TMEM132B: variants seen among roughly 807,000 people sequenced by gnomAD.
The protein encoded by TMEM132B is transmembrane protein 132B.
Under a neutral mutation model 90.8 loss-of-function variants are expected in TMEM132B, and 18 were observed. That is an observed-to-expected ratio of 0.20 (90% CI 0.14 to 0.29). The LOEUF (loss-of-function observed/expected upper bound fraction) is 0.29. Ranked by LOEUF, TMEM132B falls within the 10% of genes least tolerant of loss-of-function variation. TMEM132B has a pLI of 1.00. For synonymous variants in TMEM132B, 504 were observed against 523.3 expected, an observed-to-expected ratio of 0.96 and a Z score of 0.50; for missense variants, 1,096 against 1,326.8, an observed-to-expected ratio of 0.83 and a Z score of 2.70.
At position 125,661,050 on chromosome 12, in the gene TMEM132B, C is replaced by G. The variant is rs1225696015; in HGVS notation, c.*6340C>G. ...TTTTGACCTGACACATCTTTCTGTA[C>G]TTCCTGTGGCCAAAAAAGCAAGTGA... is the stretch of plus-strand genomic sequence containing the variant. On this transcript the variant is annotated 3_prime_UTR_variant, in exon 9 of 9. Transcript: ENST00000682704. The G allele has an allele frequency of 1.3e-5, 2 of 152,206 alleles. No homozygotes were observed. The highest frequency in any genetic ancestry group is 4.8e-5 in the African/African-American group (2 of 41,458). 9.4% of individuals were successfully genotyped at this position (152,206 alleles called of 1,614,324 possible). A position where few individuals can be genotyped will look rare whatever the true frequency, so the allele number is the denominator to read the frequency against.
chr12:125,278,544 A>G (rs1875069493), intron 1 of TMEM132B, among the ~76,000 whole-genome samples: 1 of 148,532 alleles, frequency 6.7e-6, no homozygotes, highest in South Asian at 2.1e-4. Flanking sequence ...ATTAATGGGT[A>G]TGCAGGCAGT....
chr12:125,370,506 G>T (rs904054333), intron 2 of TMEM132B, among the ~76,000 whole-genome samples: 5 of 152,188 alleles, frequency 3.3e-5, no homozygotes, highest in Non-Finnish European at 5.9e-5. Flanking sequence ...ATCCTGTAGT[G>T]AGGTAGGGAA....
chr12:125,331,506 T>A (rs1164982082), intron 1 of TMEM132B, among the ~76,000 whole-genome samples: 1 of 152,150 alleles, frequency 6.6e-6, no homozygotes, highest in East Asian at 1.9e-4. Flanking sequence ...ATGAGCCCTT[T>A]ACTCCGGGTG....
intron 1 of TMEM132B, among the ~76,000 whole-genome samples, chr12:125,280,990 A>G (rs189807055): frequency 2.2e-4 from 33 of 152,316 alleles, no homozygotes; most frequent in Non-Finnish European, 3.7e-4. Context: ...CAACAATTCA[A>G]TTAGAAAGCG....
intron 1 of TMEM132B, among the ~76,000 whole-genome samples, chr12:125,314,301 A>G (rs1175209813): frequency 1.3e-5 from 2 of 152,200 alleles, no homozygotes; most frequent in African/African-American, 4.8e-5. Context: ...TTTGACAAAG[A>G]TCAGCAGCGA....
At chr12:125,623,779 C>G (rs898977897) in intron 5 of TMEM132B, among the ~76,000 whole-genome samples, 7 of 152,200 alleles carry the variant, frequency 4.6e-5, no homozygotes, top group African/African-American at 1.7e-4. Flanking sequence ...CTTTGTGTCC[C>G]CAGAGTCCTG....
At chr12:125,481,511 G>A (rs1308351995) in intron 3 of TMEM132B, among the ~76,000 whole-genome samples, 3 of 152,128 alleles carry the variant, frequency 2.0e-5, no homozygotes, top group Non-Finnish European at 4.4e-5. Context: ...AATTGCTACA[G>A]AGAGAATAAA....
chr12:125,636,155 G>A (rs1886473734), intron 5 of TMEM132B, among the ~76,000 whole-genome samples: 1 of 152,062 alleles, frequency 6.6e-6, no homozygotes, highest in Admixed American at 6.5e-5. Context: ...GTGCTTTTTT[G>A]GTGTGTAGAT....
At chr12:125,468,780 T>A (rs1241373054) in intron 3 of TMEM132B, among the ~76,000 whole-genome samples, 2 of 152,230 alleles carry the variant, frequency 1.3e-5, no homozygotes, top group Non-Finnish European at 2.9e-5. Flanking sequence ...TCAATGGTTT[T>A]AAAAAAAATT....
intron 1 of TMEM132B, among the ~76,000 whole-genome samples, chr12:125,268,154 G>T (rs1399642134): frequency 2.0e-5 from 3 of 152,362 alleles, no homozygotes; most frequent in Non-Finnish European, 2.9e-5. Flanking sequence ...TCCTCTGACT[G>T]GCAGAGCTCA....
chr12:125,518,540 A>G (rs532038933), intron 3 of TMEM132B, among the ~76,000 whole-genome samples: 1 of 152,294 alleles, frequency 6.6e-6, no homozygotes, highest in East Asian at 1.9e-4. Context: ...GGATGGAAAC[A>G]GGCTGATGGA....
chr12:125,482,090 T>C (rs1882058654), intron 3 of TMEM132B, among the ~76,000 whole-genome samples: 1 of 152,142 alleles, frequency 6.6e-6, no homozygotes, highest in South Asian at 2.1e-4. Flanking sequence ...TACACACTTA[T>C]ACAAAAATTA....
chr12:125,515,388 C>T (rs1291477088), intron 3 of TMEM132B, among the ~76,000 whole-genome samples: 2 of 93,894 alleles, frequency 2.1e-5, no homozygotes, highest in Non-Finnish European at 4.0e-5. Context: ...CTCTTTCACA[C>T]ATTCTCTCAC....
intron 2 of TMEM132B, among the ~76,000 whole-genome samples, chr12:125,358,346 T>TTTTTTTTA (rs1877853671): frequency 6.6e-6 from 1 of 152,102 alleles, no homozygotes; most frequent in African/African-American, 2.4e-5. Context: ...GCTAATATCT[T>TTTTTTTTA]ATGTAACCAC....
intron 1 of TMEM132B, among the ~76,000 whole-genome samples, chr12:125,283,440 G>A (rs531616442): frequency 4.6e-5 from 7 of 152,246 alleles, no homozygotes; most frequent in African/African-American, 1.7e-4. Context: ...TGTTCCTGCT[G>A]TGTACCCGAC....
In TMEM132B at chr12:125,224,989, A is replaced by AGAT. The variant is rs1350890784; in HGVS notation, c.67+38125_67+38127dup. Among the ~76,000 whole-genome samples the AGAT allele has an allele frequency of 3.3e-5, 5 of 152,348 alleles. No homozygotes were observed. The East Asian group carries it at 9.6e-4, about 29-fold the overall frequency. ...CTAAAGGGGATTGCTGTATCCTAGG[A>AGAT]GATGTAGACCTTCCTCATCCTTTCT... On this transcript the variant is annotated intron_variant, in intron 1 of 8. Transcript: ENST00000682704.
At chr12:125,361,840 A>T (rs1289210293) in intron 2 of TMEM132B, among the ~76,000 whole-genome samples, 2 of 152,234 alleles carry the variant, frequency 1.3e-5, no homozygotes, top group Non-Finnish European at 2.9e-5. Flanking sequence ...AAGTAAGTGT[A>T]AATTTCAGAT....
chr12:125,636,445 T>G (rs1886481050), intron 5 of TMEM132B, among the ~76,000 whole-genome samples: 1 of 152,246 alleles, frequency 6.6e-6, no homozygotes, highest in African/African-American at 2.4e-5. Flanking sequence ...TTATTTTCAC[T>G]TGGTGCTTCT....
chr12:125,496,251 A>T (rs1449814797), intron 3 of TMEM132B, among the ~76,000 whole-genome samples: 1 of 152,164 alleles, frequency 6.6e-6, no homozygotes. Context: ...GGGAGGTTTT[A>T]TACTGGCATT....
Sources: allele counts gnomAD v4.1 joint callset (sites outside exome capture counted in the v4.1 genomes callset), GRCh38; gene constraint gnomAD v4.1.1; transcripts MANE v1.5; gene names NCBI Gene and HGNC (gene_info 2026-07-23, HGNC 2026-07-21).